Variants in ZDHHC11 observed in about 807,000 individuals in gnomAD.
ZDHHC11 encodes zDHHC palmitoyltransferase 11.
In ZDHHC11, 44 loss-of-function variants were observed where a neutral mutation model predicts 51.3. The ratio of observed to expected loss-of-function variants is 0.86; its 90% confidence interval spans 0.67 to 1.10. ZDHHC11 has a LOEUF of 1.10. ZDHHC11 is among the 50% of genes least tolerant of loss of function. ZDHHC11 has a pLI of 0.00. For missense variants in ZDHHC11, 400 were observed against 537.7 expected, an observed-to-expected ratio of 0.74 and a Z score of 2.53; for synonymous variants, 163 against 222.0, an observed-to-expected ratio of 0.73 and a Z score of 2.36.
At chr5:807,889 TGA>T (rs1342671205) in intron 11 of ZDHHC11, among the ~76,000 whole-genome samples, 2 of 150,522 alleles carry the variant, frequency 1.3e-5, no homozygotes, top group Admixed American at 6.6e-5. Context: ...CTGTGAAGAG[TGA>T]GAGAGGTCAG....
intron 1 of ZDHHC11, among the ~76,000 whole-genome samples, 160 bp from the exon 2 acceptor site, chr5:848,820 A>G (rs1746669763): frequency 6.7e-6 from 1 of 150,122 alleles, no homozygotes; most frequent in African/African-American, 2.5e-5. Context: ...CCCTGCTCAC[A>G]CAGCCCTGCA....
At chr5:857,389 A>G (rs935516250) in intron 1 of ZDHHC11, among the ~76,000 whole-genome samples, 1 of 152,176 alleles carries the variant, frequency 6.6e-6, no homozygotes, top group Non-Finnish European at 1.5e-5. Flanking sequence ...CACAGACCCC[A>G]GAGACCACAG....
rs149777420 is a variant in ZDHHC11 at position 800,943 on chromosome 5, G to A, written c.*7+157C>T. Among the ~76,000 whole-genome samples the A allele has an allele frequency of 1.2e-3, 168 of 145,258 alleles. 3 individuals are homozygous for A. Among genetic ancestry groups the A allele is most frequent in the Non-Finnish European group, 1.6e-3 (104 of 64,150 alleles). Reference sequence around the variant, plus strand: ...GCACTACTTCTAAAGATGGACACACGGTTCCTGTTCTGGGGTTACTGTTGA... The same window carrying A: ...GCACTACTTCTAAAGATGGACACACAGTTCCTGTTCTGGGGTTACTGTTGA... On this transcript the variant is annotated intron_variant, in intron 12 of 12. Coordinates refer to ENST00000283441, the MANE Select transcript of ZDHHC11 (RefSeq NM_024786.3).
rs572001257 is a variant in ZDHHC11, at chr5:819,538, C to T, written c.1133G>A (p.Gly378Asp). ...QFSTRVHPDG[G>D]SMAQEADDAP... ...ATTGCAACTTACCTGTGCCATCGAG[C>T]CCCCGTCTGGGTGTACACGAGTGGA... Residue 378 changes from glycine to aspartate, a missense_variant, in exon 10 of 13, where the codon GGC becomes GAC. Gly to Asp is a moderately conservative substitution (Grantham distance 94). Coordinates refer to ENST00000283441, the MANE Select transcript of ZDHHC11 (RefSeq NM_024786.3). 5.6e-6 allele frequency: 9 copies of T among 1,609,620 alleles called. No homozygotes were observed. The highest frequency in any genetic ancestry group is 1.3e-5 in the African/African-American group (1 of 74,874).
rs143778702 is a variant in ZDHHC11, at chr5:804,289, C to G, written c.1182-3125G>C. Among the ~76,000 whole-genome samples, 601 of 151,326 alleles carry G rather than the reference C, an allele frequency of 4.0e-3. 16 individuals are homozygous for G. Among genetic ancestry groups the G allele is most frequent in the African/African-American group, 0.014 (587 of 41,256 alleles). On this transcript the variant is annotated intron_variant, in intron 11 of 12. Transcript: ENST00000283441. ...GAATCATTCCTTTGTCCAGCATATC[C>G]ATGCTGTATACACAATCTGCCCATT...
At chr5:831,601 A>C (rs1411484079) in intron 7 of ZDHHC11, among the ~76,000 whole-genome samples, 1 of 144,802 alleles carries the variant, frequency 6.9e-6, no homozygotes, top group East Asian at 2.1e-4. Flanking sequence ...AAACAAACAA[A>C]CAACAAAACC....
intron 8 of ZDHHC11, among the ~76,000 whole-genome samples, chr5:824,771 A>T (rs1489596327): frequency 9.3e-6 from 1 of 107,652 alleles, no homozygotes; most frequent in Non-Finnish European, 1.7e-5. Flanking sequence ...ATTTTATTTA[A>T]AAAAAAAAAA....
chr5:850,656 CCCG>C lies in ZDHHC11; in HGVS notation c.-57_-55del. On this transcript the variant is annotated 5_prime_UTR_variant, in exon 1 of 13. Transcript: ENST00000283441. The stretch of plus-strand genomic sequence containing the variant: ...GCCGTCAGATCCTGGGAGGGCCGGC[CCCG>C]CCCACTGTCACAGAGACCAAGGGGA... 2 of 1,586,180 alleles carry C rather than the reference CCCG, an allele frequency of 1.3e-6. No individual in the cohort carries two copies. Among genetic ancestry groups the C allele is most frequent in the African/African-American group, 1.5e-5 (1 of 65,282 alleles).
chr5:852,541 C>T (rs868008117), upstream of ZDHHC11, among the ~76,000 whole-genome samples: 4 of 151,988 alleles, frequency 2.6e-5, no homozygotes, highest in South Asian at 8.3e-4. Context: ...CCACAGAGGA[C>T]AGTGAGCCAG....
At chr5:842,760 C>T (rs190770559) in intron 4 of ZDHHC11, 1 of 891,276 alleles carries the variant, frequency 1.1e-6, no homozygotes, top group Non-Finnish European at 1.3e-6. Context: ...GCTCTGACGT[C>T]CAGCTGCAGG....
chr5:810,878 C>T (rs796121032), intron 11 of ZDHHC11, among the ~76,000 whole-genome samples: 13 of 152,004 alleles, frequency 8.6e-5, no homozygotes, highest in South Asian at 2.1e-4. Context: ...AAAGATGGAG[C>T]GGTTTATGCC....
At chr5:850,186 G>T (rs1443249965) in intron 1 of ZDHHC11, 195 bp downstream of exon 1, 5 of 652,472 alleles carry the variant, frequency 7.7e-6, no homozygotes, top group Admixed American at 2.9e-5. Flanking sequence ...ACGCTGTCCT[G>T]TCCTGACCCT....
chr5:824,051 G>A (rs758699080), intron 8 of ZDHHC11: 9 of 454,908 alleles, frequency 2.0e-5, no homozygotes, highest in South Asian at 9.3e-5. Flanking sequence ...CAAGTCACAG[G>A]AGCCTGTTCC....
At chr5:801,458 G>A (rs112328853) in intron 11 of ZDHHC11, among the ~76,000 whole-genome samples, 12 of 151,834 alleles carry the variant, frequency 7.9e-5, no homozygotes, top group South Asian at 4.1e-4. Context: ...GGCTTGTTTG[G>A]ATTTCCAGCA....
At chr5:806,772 C>G (rs576374795) in intron 11 of ZDHHC11, among the ~76,000 whole-genome samples, 3 of 148,494 alleles carry the variant, frequency 2.0e-5, no homozygotes, top group African/African-American at 7.6e-5. Flanking sequence ...CACATGTGTT[C>G]AGATTCATTA....
chr5:807,159 A>G (rs1248688135), intron 11 of ZDHHC11, among the ~76,000 whole-genome samples: 2 of 150,944 alleles, frequency 1.3e-5, no homozygotes, highest in East Asian at 1.9e-4. Flanking sequence ...TACAGCGACA[A>G]GCAGTATGGA....
At position 803,968 on chromosome 5, in the gene ZDHHC11, G is replaced by GA. The variant is rs34009254; in HGVS notation, c.1182-2805dup. Reference sequence around the variant, plus strand: ...GTCTTAGGACCAGAAAAAAAAAAAAGATTAAGGAAGATGAACAGAGCTTGA... The same window carrying GA: ...GTCTTAGGACCAGAAAAAAAAAAAAGAATTAAGGAAGATGAACAGAGCTTGA... On this transcript the variant is annotated intron_variant, in intron 11 of 12. Transcript: ENST00000283441. 7.4e-5 allele frequency among the ~76,000 whole-genome samples: 11 copies of GA among 148,550 alleles called. 1 individual carries two copies. Among genetic ancestry groups the GA allele is most frequent in the Admixed American group, 4.7e-4 (7 of 14,910 alleles).
chr5:836,308 G>A (rs181325507), intron 6 of ZDHHC11, among the ~76,000 whole-genome samples: 1 of 150,504 alleles, frequency 6.6e-6, no homozygotes, highest in Admixed American at 6.6e-5. Context: ...CTAACGTGCT[G>A]AGCTGTAGTA....
At chr5:855,001 AC>A (rs1234627687), upstream of ZDHHC11, among the ~76,000 whole-genome samples, 2 of 143,478 alleles carry the variant, frequency 1.4e-5, no homozygotes, top group African/African-American at 5.3e-5. Context: ...AGGGGGACAG[AC>A]CCCACAGAGG....
Sources: gnomAD v4.1 joint callset for allele counts (sites outside exome capture counted in the v4.1 genomes callset) on GRCh38, gnomAD v4.1.1 for gene constraint, MANE v1.5 for transcripts, NCBI Gene and HGNC (gene_info 2026-07-23, HGNC 2026-07-21) for gene names.